Variants in GULP1 observed in about 807,000 individuals in gnomAD.
The protein encoded by GULP1 is GULP PTB domain containing engulfment adaptor 1.
GULP1 carries 19 observed loss-of-function variants against 40.9 expected under a neutral mutation model. The ratio of observed to expected loss-of-function variants is 0.46; its 90% CI spans 0.32 to 0.68. The LOEUF (loss-of-function observed/expected upper bound fraction) is 0.68, where lower values mean the gene tolerates loss of function less well. GULP1 is among the 30% of genes least tolerant of loss of function. The pLI, the probability that GULP1 is intolerant of heterozygous loss-of-function variation, is 0.03. For missense variants in GULP1, 312 were observed against 362.2 expected (o/e 0.86, Z 1.12); for synonymous variants, 119 against 117.6 (o/e 1.01, Z -0.08).
At chr2:188,390,556 C>T (rs184449485) in intron 2 of GULP1, among the ~76,000 whole-genome samples, 4 of 152,068 alleles carry the variant, frequency 2.6e-5, no homozygotes, top group Non-Finnish European at 5.9e-5. Context: ...TTCTCCCATT[C>T]TATGTGTTGT....
intron 2 of GULP1, among the ~76,000 whole-genome samples, chr2:188,459,456 C>CTTAA: frequency 6.6e-6 from 1 of 152,228 alleles, no homozygotes; most frequent in East Asian, 1.9e-4. Context: ...GCCTATTTAT[C>CTTAA]ATTTTGTGTC....
chr2:188,484,742 T>A (rs1039834014), intron 4 of GULP1, among the ~76,000 whole-genome samples: 2 of 152,178 alleles, frequency 1.3e-5, no homozygotes, highest in African/African-American at 4.8e-5. Context: ...TAAAAGCCTA[T>A]GTAGAAGAAG....
intron 3 of GULP1, 68 bp downstream of exon 3, chr2:188,477,798 T>C: frequency 1.7e-6 from 2 of 1,205,764 alleles, no homozygotes; most frequent in Non-Finnish European, 2.4e-6. Flanking sequence ...GCAGCGATGT[T>C]AAGAAATCAG....
At chr2:188,486,774 G>A (rs1296101857) in intron 4 of GULP1, among the ~76,000 whole-genome samples, 6 of 151,870 alleles carry the variant, frequency 4.0e-5, no homozygotes, top group Non-Finnish European at 8.8e-5. Context: ...TGCAGTGACA[G>A]CATTAATATT....
At chr2:188,442,985 A>C (rs2058065474) in intron 2 of GULP1, among the ~76,000 whole-genome samples, 3 of 152,142 alleles carry the variant, frequency 2.0e-5, no homozygotes, top group African/African-American at 4.8e-5. Flanking sequence ...GTCTTAGGAG[A>C]CTGAAAATTC....
intron 4 of GULP1, among the ~76,000 whole-genome samples, chr2:188,487,022 A>G (rs2061919690): frequency 6.6e-6 from 1 of 151,980 alleles, no homozygotes. Flanking sequence ...CAGAATCAAT[A>G]GATTAGGTAT....
At chr2:188,486,319 A>G (rs919748847) in intron 4 of GULP1, among the ~76,000 whole-genome samples, 5 of 151,996 alleles carry the variant, frequency 3.3e-5, no homozygotes, top group African/African-American at 1.2e-4. Flanking sequence ...TTCCAGAGGA[A>G]GAATTGATAT....
chr2:188,388,302 G>A (rs1016887979), intron 2 of GULP1, among the ~76,000 whole-genome samples: 2 of 150,996 alleles, frequency 1.3e-5, no homozygotes, highest in African/African-American at 4.9e-5. Context: ...ACTGAGGCAG[G>A]TGGATCGCTT....
chr2:188,419,786 A>G (rs2055115533), intron 2 of GULP1, among the ~76,000 whole-genome samples: 1 of 152,078 alleles, frequency 6.6e-6, no homozygotes, highest in South Asian at 2.1e-4. Context: ...GACCAATGTA[A>G]TGAAGCTTTT....
intron 1 of GULP1, among the ~76,000 whole-genome samples, chr2:188,375,866 A>G (rs1386224478): frequency 6.6e-6 from 1 of 152,102 alleles, no homozygotes; most frequent in Admixed American, 6.6e-5. Context: ...GGTTTTACAG[A>G]TATGTTCACT....
intron 1 of GULP1, among the ~76,000 whole-genome samples, chr2:188,369,881 TCACC>T (rs2047375218): frequency 6.6e-6 from 1 of 152,174 alleles, no homozygotes; most frequent in African/African-American, 2.4e-5. Context: ...TCTCCCTCTG[TCACC>T]CACGCTGGAG....
At chr2:188,506,789 T>G (rs183521294) in intron 4 of GULP1, among the ~76,000 whole-genome samples, 3 of 152,136 alleles carry the variant, frequency 2.0e-5, no homozygotes, top group Admixed American at 6.6e-5. Flanking sequence ...TTTACAAAAG[T>G]AAGCGCCTTA....
chr2:188,558,199 C>A (rs1450969312), intron 7 of GULP1, among the ~76,000 whole-genome samples: 1 of 152,070 alleles, frequency 6.6e-6, no homozygotes, highest in Non-Finnish European at 1.5e-5. Flanking sequence ...TAAATCTCAT[C>A]TTGAATTGTA....
chr2:188,392,402 G>T (rs574083043), intron 2 of GULP1, among the ~76,000 whole-genome samples: 6 of 152,106 alleles, frequency 3.9e-5, no homozygotes, highest in African/African-American at 1.4e-4. Context: ...GGTGTTCATA[G>T]TAGTCTCAAA....
intron 2 of GULP1, among the ~76,000 whole-genome samples, chr2:188,430,805 AC>A (rs1448649264): frequency 1.3e-5 from 2 of 152,184 alleles, no homozygotes; most frequent in Non-Finnish European, 1.5e-5. Context: ...CTGTGTGAGA[AC>A]CAGCCATAAA....
intron 2 of GULP1, among the ~76,000 whole-genome samples, chr2:188,446,345 C>T (rs1044288275): frequency 1.3e-5 from 2 of 152,106 alleles, no homozygotes; most frequent in African/African-American, 4.8e-5. Flanking sequence ...ACCCTGGAAC[C>T]ATTGACTTTC....
chr2:188,429,595 C>A (rs2056617656), intron 2 of GULP1, among the ~76,000 whole-genome samples: 1 of 152,112 alleles, frequency 6.6e-6, no homozygotes, highest in African/African-American at 2.4e-5. Flanking sequence ...CTTAACAGCA[C>A]AAAGTAGTTT....
intron 2 of GULP1, among the ~76,000 whole-genome samples, chr2:188,406,879 G>A (rs1414880557): frequency 9.9e-5 from 15 of 152,078 alleles, no homozygotes; most frequent in Non-Finnish European, 1.9e-4. Context: ...TAAGCCTGGT[G>A]AGAAATAAAT....
At chr2:188,436,831 C>T (rs1469860527) in intron 2 of GULP1, among the ~76,000 whole-genome samples, 1 of 151,980 alleles carries the variant, frequency 6.6e-6, no homozygotes, top group Non-Finnish European at 1.5e-5. Context: ...ATGAAGAAAA[C>T]ATTTTGGAAA....
Sources: gnomAD v4.1 joint callset for allele counts (sites outside exome capture counted in the v4.1 genomes callset) on GRCh38, gnomAD v4.1.1 for gene constraint, MANE v1.5 for transcripts, NCBI Gene and HGNC (gene_info 2026-07-23, HGNC 2026-07-21) for gene names.